Variants in ITGA6 observed in about 807,000 individuals in gnomAD.
The protein encoded by ITGA6 is integrin alpha-6.
Under a neutral mutation model 133.6 loss-of-function variants are expected in ITGA6, and 63 were observed. The ratio of observed to expected loss-of-function variants is 0.47; its 90% confidence interval spans 0.38 to 0.58. The LOEUF is 0.58. ITGA6 is among the 20% of genes least tolerant of loss of function. The probability of loss-of-function intolerance (pLI) is 0.00; values close to 1 mark genes in which losing one functional copy is unlikely to be tolerated. For synonymous variants in ITGA6, 434 were observed against 482.0 expected (o/e 0.90, Z 1.30); for missense variants, 1,068 against 1,309.4 (o/e 0.82, Z 2.85).
In ITGA6 at chr2:172,450,079, A is replaced by G. The variant is rs1304740834; in HGVS notation, c.183-15460A>G. On this transcript the variant is annotated intron_variant, in intron 1 of 25. Transcript: ENST00000684293. ...GATGGAAATGAGGCTGCTATGTTCA[A>G]AGGACAGAAACGGAGTCAGTGTGGC... is the stretch of plus-strand genomic sequence containing the variant. 4.6e-5 allele frequency among the ~76,000 whole-genome samples: 7 copies of G among 152,174 alleles called. No individual in the cohort carries two copies. The East Asian group carries it at 1.3e-3, about 29-fold the overall frequency.
intron 20 of ITGA6, 85 bp downstream of exon 20, chr2:172,489,743 G>A: frequency 1.6e-6 from 2 of 1,229,482 alleles, no homozygotes; most frequent in Non-Finnish European, 2.3e-6. Context: ...CTGTTCTTAG[G>A]AAAGTGGCAT....
At chr2:172,502,425 T>TG (rs1429430724) in intron 25 of ITGA6, among the ~76,000 whole-genome samples, 1 of 152,168 alleles carries the variant, frequency 6.6e-6, no homozygotes, top group Admixed American at 6.5e-5. Context: ...TATAAAGTGA[T>TG]GGGGAAGGCT....
intron 4 of ITGA6, 40 bp from the exon 5 acceptor site, chr2:172,470,934 T>C (rs1685904585): frequency 6.2e-7 from 1 of 1,606,356 alleles, no homozygotes; most frequent in African/African-American, 1.3e-5. Context: ...TTTTGTTTCA[T>C]CTTCATTTTT....
In ITGA6 at chr2:172,495,890, G is replaced by C. The variant is rs111761715; in HGVS notation, c.2989-2085G>C. On this transcript the variant is annotated intron_variant, in intron 23 of 25. Coordinates refer to ENST00000684293, the MANE Select transcript of ITGA6 (RefSeq NM_000210.4). Reference sequence around the variant, plus strand: ...ACTGTCAGCTGTTTTAAAGACACTTGTGCACAGTGTCATTATAATAAAGCT... The same window carrying C: ...ACTGTCAGCTGTTTTAAAGACACTTCTGCACAGTGTCATTATAATAAAGCT... 2.3e-3 allele frequency among the ~76,000 whole-genome samples: 337 copies of C among 147,280 alleles called. 1 individual carries two copies. Among genetic ancestry groups the C allele is most frequent in the African/African-American group, 8.2e-3 (318 of 38,556 alleles).
At position 172,427,775 on chromosome 2, in the gene ITGA6, C is replaced by T. The variant is rs144341070; in HGVS notation, c.-14C>T. The stretch of plus-strand genomic sequence containing the variant: ...CCGCTGCAGGTCCCCGCTCCCCTCC[C>T]CGTGCGTCCGCCCATGGCCGCCGCC... On this transcript the variant is annotated 5_prime_UTR_variant, in exon 1 of 26. Transcript: ENST00000684293. 1.2e-5 allele frequency: 19 copies of T among 1,580,190 alleles called. No homozygotes were observed. Among genetic ancestry groups the T allele is most frequent in the Non-Finnish European group, 1.6e-5 (19 of 1,165,216 alleles).
At chr2:172,486,401 T>C (rs1423873314) in intron 13 of ITGA6, among the ~76,000 whole-genome samples, 1 of 152,144 alleles carries the variant, frequency 6.6e-6, no homozygotes, top group Non-Finnish European at 1.5e-5. Context: ...TTAATATTAC[T>C]TGTGTACATT....
At chr2:172,480,718 CA>C (rs1273422690) in intron 11 of ITGA6, 10 of 153,054 alleles carry the variant, frequency 6.5e-5, no homozygotes, top group African/African-American at 2.4e-4. Flanking sequence ...TGCTGGAGAT[CA>C]ACTGAGAAGA....
intron 1 of ITGA6, among the ~76,000 whole-genome samples, chr2:172,460,248 T>C (rs1354670910): frequency 6.8e-6 from 1 of 147,706 alleles, no homozygotes; most frequent in Non-Finnish European, 1.5e-5. Flanking sequence ...ATGTAAGTGG[T>C]AATAGGTCCT....
At chr2:172,490,995 G>T in intron 20 of ITGA6, 29 bp from the exon 21 acceptor site, 1 of 1,065,566 alleles carries the variant, frequency 9.4e-7, no homozygotes, top group Non-Finnish European at 1.5e-6. Context: ...TACATAAATT[G>T]GAACTATTTT....
intron 13 of ITGA6, 27 bp from the exon 14 acceptor site, chr2:172,486,996 T>G (rs748626986): frequency 3.9e-6 from 5 of 1,283,352 alleles, no homozygotes; most frequent in Non-Finnish European, 5.7e-6. Context: ...ATGGTGTAAA[T>G]TGACAATAGT....
At chr2:172,476,090 A>G (rs1377164757) in intron 8 of ITGA6, among the ~76,000 whole-genome samples, 1 of 152,228 alleles carries the variant, frequency 6.6e-6, no homozygotes, top group African/African-American at 2.4e-5. Context: ...GAGAAAAATA[A>G]GACTTGTAGG....
rs1299614885 is a variant in ITGA6, at chr2:172,470,363, ATAG to A, written c.644-608_644-606del. Among the ~76,000 whole-genome samples the A allele has an allele frequency of 2.0e-4, 31 of 152,362 alleles. No individual in the cohort carries two copies. The East Asian group carries it at 6.0e-3, about 29-fold the overall frequency. ...ATTTTAGCATGAATAAATGCTTTAT[ATAG>A]TAAAACAAAACAAAAATATCCACCA... On this transcript the variant is annotated intron_variant, in intron 4 of 25. Transcript: ENST00000684293.
intron 8 of ITGA6, among the ~76,000 whole-genome samples, 171 bp from the exon 9 acceptor site, chr2:172,476,224 T>C (rs780020162): frequency 3.3e-5 from 5 of 152,098 alleles, no homozygotes; most frequent in African/African-American, 7.3e-5. Flanking sequence ...TGAAATGAAA[T>C]GTATGAAGTG....
intron 19 of ITGA6, 146 bp from the exon 20 acceptor site, chr2:172,489,339 C>G (rs532649629): frequency 4.5e-6 from 3 of 669,396 alleles, no homozygotes; most frequent in South Asian, 3.7e-5. Context: ...TTTTGAATGC[C>G]CTATCTATAG....
intron 1 of ITGA6, among the ~76,000 whole-genome samples, chr2:172,451,546 A>G (rs1685005112): frequency 6.6e-6 from 1 of 151,656 alleles, no homozygotes; most frequent in Non-Finnish European, 1.5e-5. Context: ...TAAATATGAG[A>G]TGTTAAGTGG....
At chr2:172,500,242 GAA>G (rs59877896) in intron 24 of ITGA6, among the ~76,000 whole-genome samples, 2 of 141,214 alleles carry the variant, frequency 1.4e-5, no homozygotes. Context: ...GTTTGCAGGT[GAA>G]AAAAAAAAAA....
intron 1 of ITGA6, among the ~76,000 whole-genome samples, chr2:172,463,967 G>T (rs1161152974): frequency 6.6e-6 from 1 of 152,208 alleles, no homozygotes; most frequent in African/African-American, 2.4e-5. Flanking sequence ...TGTCAAGAAG[G>T]TTCAGGCACC....
chr2:172,463,999 A>G (rs1348528858), intron 1 of ITGA6, among the ~76,000 whole-genome samples: 1 of 152,050 alleles, frequency 6.6e-6, no homozygotes, highest in African/African-American at 2.4e-5. Context: ...TCCAGTTCCT[A>G]ATTTAAAAGT....
rs1345402651 is a variant in ITGA6, at chr2:172,465,547, T to TG, written c.196dup (p.Ala66GlyfsTer35). 1 of 1,614,192 alleles carries TG rather than the reference T, an allele frequency of 6.2e-7. No individual in the cohort carries two copies. Among genetic ancestry groups the TG allele is most frequent in the Non-Finnish European group, 8.5e-7 (1 of 1,180,022 alleles). On this transcript the variant is annotated frameshift_variant, in exon 2 of 26. Transcript: ENST00000684293. LOFTEE classifies it high-confidence loss of function. ...CTCTGTTTCATCAACAGGTTGCTCG[T>TG]GGGGGCCCCGCGGGCAGAAGCGCTT...
Sources: allele counts gnomAD v4.1 joint callset (sites outside exome capture counted in the v4.1 genomes callset), GRCh38; gene constraint gnomAD v4.1.1; transcripts MANE v1.5; gene names NCBI Gene and HGNC (gene_info 2026-07-23, HGNC 2026-07-21).